The following RNF144B variants were observed in gnomAD, a reference collection of about 807,000 sequenced individuals.
The protein encoded by RNF144B is E3 ubiquitin-protein ligase RNF144B.
A neutral mutation model predicts 40.2 loss-of-function variants in RNF144B; 25 were observed. That is an observed-to-expected ratio of 0.62 (90% CI 0.45 to 0.87). The LOEUF (loss-of-function observed/expected upper bound fraction) is 0.87, where lower values mean the gene tolerates loss of function less well. Ranked by LOEUF, RNF144B falls within the 40% of genes least tolerant of loss-of-function variation. RNF144B has a pLI of 0.00. For missense variants in RNF144B, 365 were observed against 373.7 expected (o/e 0.98, Z 0.19); for synonymous variants, 145 against 136.3 (o/e 1.06, Z -0.44).
rs61128858 is a variant in RNF144B at position 18,448,688 on chromosome 6, G to GCA, written c.332-8439_332-8438dup. On this transcript the variant is annotated intron_variant, in intron 4 of 7. Coordinates refer to ENST00000259939, the MANE Select transcript of RNF144B (RefSeq NM_182757.4). This position sits in a 1 kb window ranked among gnomAD's most constrained non-coding sequence, Gnocchi z 4.0. ...TCCATTTTATTTTGAAAGCCAGCAT[G>GCA]CACACACACACACACACACACACAC... Among the ~76,000 whole-genome samples the GCA allele has an allele frequency of 0.32, 45,974 of 144,378 alleles. 7,762 individuals are homozygous for GCA. Among genetic ancestry groups the GCA allele is most frequent in the East Asian group, 0.47 (2,325 of 4,970 alleles). The allele number at this position is 144,378 out of a possible 152,430, so 94.7% of individuals were successfully genotyped here.
Position 18,442,252 on chromosome 6 carries a change from G to A in RNF144B, c.331+2508G>A, listed in dbSNP as rs1449634690. ...ATTCAGTCTAGCTACAATTAAGTTG[G>A]GCAGGCATCTGAGCCAGTCTATCTT... On this transcript the variant is annotated intron_variant, in intron 4 of 7. Transcript: ENST00000259939. The surrounding 1 kb of genome is among the most constrained non-coding windows in gnomAD (Gnocchi z 4.3). Among the ~76,000 whole-genome samples the A allele has an allele frequency of 6.6e-6, 1 of 152,160 alleles. No individual in the cohort carries two copies. Among genetic ancestry groups the A allele is most frequent in the Non-Finnish European group, 1.5e-5 (1 of 68,024 alleles).
In RNF144B at chr6:18,458,040, C is replaced by T. The variant is rs1346311895; in HGVS notation, c.536+681C>T. Among the ~76,000 whole-genome samples, 4 of 151,964 alleles carry T rather than the reference C, an allele frequency of 2.6e-5. No individual in the cohort carries two copies. The highest frequency in any genetic ancestry group is 4.4e-5 in the Non-Finnish European group (3 of 68,004). On this transcript the variant is annotated intron_variant, in intron 5 of 7. Transcript: ENST00000259939. This position sits in a 1 kb window ranked among gnomAD's most constrained non-coding sequence, Gnocchi z 4.8. ...GCAACCACTGCCTCCTGGGTTCAAGCGATTCTCCTGCCTCAGCCTCCCGAT... is the reference window on the plus strand; with the variant it reads ...GCAACCACTGCCTCCTGGGTTCAAGTGATTCTCCTGCCTCAGCCTCCCGAT...
intron 1 of RNF144B, among the ~76,000 whole-genome samples, chr6:18,391,664 G>A (rs568448208): frequency 2.0e-5 from 3 of 151,648 alleles, no homozygotes; most frequent in South Asian, 2.1e-4. Context: ...TCAGGAGATC[G>A]AGACCATCCT....
chr6:18,462,237 C>T (rs1487050259), intron 6 of RNF144B, among the ~76,000 whole-genome samples: 2 of 152,272 alleles, frequency 1.3e-5, no homozygotes, highest in South Asian at 2.1e-4. Flanking sequence ...GCAATGTGTT[C>T]GGATTGCCAC....
In RNF144B at chr6:18,400,087, T is replaced by C. The variant is rs1794771590; in HGVS notation, c.165+388T>C. On this transcript the variant is annotated intron_variant, in intron 2 of 7. Transcript: ENST00000259939. The surrounding 1 kb of genome is among the most constrained non-coding windows in gnomAD (Gnocchi z 5.6). ...AAGATCGAGACCATCCTAGCTAACA[T>C]GGTAAAACCCCGTCTCTACTAAAAA... is the stretch of plus-strand genomic sequence containing the variant. 6.6e-6 allele frequency among the ~76,000 whole-genome samples: 1 copy of C among 151,940 alleles called. No homozygotes were observed. Among genetic ancestry groups the C allele is most frequent in the South Asian group, 2.1e-4 (1 of 4,816 alleles).
rs1562061961 is a variant in RNF144B, at chr6:18,464,148, T to C, written c.771+768T>C. 6.6e-6 allele frequency among the ~76,000 whole-genome samples: 1 copy of C among 152,228 alleles called. No homozygotes were observed. Among genetic ancestry groups the C allele is most frequent in the Non-Finnish European group, 1.5e-5 (1 of 68,038 alleles). ...GTGTACATGCCATTGTGTGTTTATG[T>C]GGCAGGTTCAAAAGGAGTCATGGTT... On this transcript the variant is annotated intron_variant, in intron 7 of 7. Transcript: ENST00000259939. The surrounding 1 kb of genome is among the most constrained non-coding windows in gnomAD (Gnocchi z 6.1).
At chr6:18,409,865 C>A (rs560485703) in intron 2 of RNF144B, among the ~76,000 whole-genome samples, 20 of 152,254 alleles carry the variant, frequency 1.3e-4, no homozygotes, top group Non-Finnish European at 2.1e-4. Context: ...CCACTGCGCC[C>A]CGGCCTACAT....
At chr6:18,396,452 A>G in intron 1 of RNF144B, 1 of 983,916 alleles carries the variant, frequency 1.0e-6, no homozygotes, top group Non-Finnish European at 1.2e-6. Context: ...AAATACTTGG[A>G]TTTCTCGAAG....
At position 18,439,707 on chromosome 6, in the gene RNF144B, C is replaced by T. The variant is rs749102770; in HGVS notation, c.294C>T (p.Asp98=). The T allele has an allele frequency of 8.1e-6, 13 of 1,612,254 alleles. No homozygotes were observed. The African/African-American group carries it at 1.7e-4, about 22-fold the overall frequency. ...EAEIACLVPV[D]QFQLYQRLKF... The stretch of plus-strand genomic sequence containing the variant: ...AGATTGCCTGTTTGGTACCTGTGGA[C>T]CAGTTTCAACTTTATCAGAGGTTAA... The change falls in exon 4 of 8, where the codon GAC becomes GAT. Residue 98 remains aspartate, a synonymous_variant. Coordinates refer to ENST00000259939, the MANE Select transcript of RNF144B (RefSeq NM_182757.4).
intron 2 of RNF144B, among the ~76,000 whole-genome samples, chr6:18,403,624 G>T (rs1016299898): frequency 7.2e-5 from 11 of 152,124 alleles, no homozygotes; most frequent in Non-Finnish European, 1.6e-4. Context: ...TTTCCCTTGG[G>T]GCCTGTCGGG....
rs1759622870 is a variant in RNF144B at position 18,468,639 on chromosome 6, T to C, written c.*3572T>C. 7.9e-5 allele frequency: 12 copies of C among 152,230 alleles called. No individual in the cohort carries two copies. The highest frequency in any genetic ancestry group is 7.2e-4 in the Admixed American group (11 of 15,290). 9.4% of individuals were successfully genotyped at this position (152,230 alleles called of 1,614,324 possible). A position where few individuals can be genotyped will look rare whatever the true frequency, so the allele number is the denominator to read the frequency against. ...CATGAATGGATGCCTTTATGTGATATAGAGTCATGTGTGTATGTGTAGCTT... is the reference window on the plus strand; with the variant it reads ...CATGAATGGATGCCTTTATGTGATACAGAGTCATGTGTGTATGTGTAGCTT... On this transcript the variant is annotated 3_prime_UTR_variant, in exon 8 of 8. Coordinates refer to ENST00000259939, the MANE Select transcript of RNF144B (RefSeq NM_182757.4).
At position 18,448,904 on chromosome 6, in the gene RNF144B, G is replaced by A. The variant is rs1346889143; in HGVS notation, c.332-8251G>A. Among the ~76,000 whole-genome samples, 1 of 152,164 alleles carries A rather than the reference G, an allele frequency of 6.6e-6. No homozygotes were observed. Among genetic ancestry groups the A allele is most frequent in the African/African-American group, 2.4e-5 (1 of 41,442 alleles). On this transcript the variant is annotated intron_variant, in intron 4 of 7. Coordinates refer to ENST00000259939, the MANE Select transcript of RNF144B (RefSeq NM_182757.4). The surrounding 1 kb of genome is among the most constrained non-coding windows in gnomAD (Gnocchi z 4.0). ...GTTTGTCCCTTTCAAAGAGTTTAAA[G>A]TCACACATTAAGGTTGAGGATTGGG...
chr6:18,440,232 T>C (rs559567956), intron 4 of RNF144B, among the ~76,000 whole-genome samples: 109 of 152,214 alleles, frequency 7.2e-4, no homozygotes, highest in African/African-American at 2.6e-3. Flanking sequence ...TACAATGTAT[T>C]GGACTGATTT....
At position 18,448,252 on chromosome 6, in the gene RNF144B, G is replaced by A. The variant is rs565221510; in HGVS notation, c.331+8508G>A. 1.3e-5 allele frequency among the ~76,000 whole-genome samples: 2 copies of A among 152,120 alleles called. No homozygotes were observed. Among genetic ancestry groups the A allele is most frequent in the Non-Finnish European group, 2.9e-5 (2 of 68,022 alleles). ...AATTGCAGAAGCCAAATCCTTGAGA[G>A]TGTGAGGGGAACGGATTTCAGTGCC... On this transcript the variant is annotated intron_variant, in intron 4 of 7. Coordinates refer to ENST00000259939, the MANE Select transcript of RNF144B (RefSeq NM_182757.4). The surrounding 1 kb of genome is among the most constrained non-coding windows in gnomAD (Gnocchi z 4.0).
rs1794784974 is a variant in RNF144B at position 18,400,566 on chromosome 6, G to T, written c.165+867G>T. 6.6e-6 allele frequency among the ~76,000 whole-genome samples: 1 copy of T among 152,132 alleles called. No individual in the cohort carries two copies. Among genetic ancestry groups the T allele is most frequent in the South Asian group, 2.1e-4 (1 of 4,830 alleles). On this transcript the variant is annotated intron_variant, in intron 2 of 7. Transcript: ENST00000259939. The surrounding 1 kb of genome is among the most constrained non-coding windows in gnomAD (Gnocchi z 5.6). ...TGTGACACCTGGTATCAACACCTGT[G>T]ACCTTTACTGCCACTTTTCCTTGAA...
chr6:18,402,794 A>G (rs1427294540), intron 2 of RNF144B, among the ~76,000 whole-genome samples: 1 of 152,222 alleles, frequency 6.6e-6, no homozygotes, highest in East Asian at 1.9e-4. Context: ...AGCCATCAAT[A>G]TTATCTAGGT....
chr6:18,393,190 A>G (rs1794622214), intron 1 of RNF144B, among the ~76,000 whole-genome samples: 3 of 151,956 alleles, frequency 2.0e-5, no homozygotes, highest in Admixed American at 1.3e-4. Context: ...TGACTACGAG[A>G]GGGGCAGCCT....
At chr6:18,411,476 TATATATATATATATA>T (rs1795034713) in intron 2 of RNF144B, among the ~76,000 whole-genome samples, 1 of 43,870 alleles carries the variant, frequency 2.3e-5, no homozygotes, top group African/African-American at 8.7e-5. Context: ...TATATATATA[TATATATATATATATA>T]TATATATTTT....
chr6:18,407,011 A>T (rs1794924969), intron 2 of RNF144B, among the ~76,000 whole-genome samples: 1 of 152,152 alleles, frequency 6.6e-6, no homozygotes, highest in Non-Finnish European at 1.5e-5. Context: ...ATTCACTATC[A>T]TGGGAACAGC....
Sources: gnomAD v4.1 joint callset for allele counts (sites outside exome capture counted in the v4.1 genomes callset) on GRCh38, gnomAD v4.1.1 for gene constraint, Gnocchi (gnomAD v3.1) non-coding constraint, MANE v1.5 for transcripts, NCBI Gene and HGNC (gene_info 2026-07-23, HGNC 2026-07-21) for gene names.